Variants in TUBE1 observed in about 807,000 individuals in gnomAD.
TUBE1 encodes tubulin epsilon chain.
A neutral mutation model predicts 53.5 loss-of-function variants in TUBE1; 34 were observed. The ratio of observed to expected loss-of-function variants is 0.64; its 90% CI spans 0.48 to 0.85. The LOEUF (loss-of-function observed/expected upper bound fraction) is 0.85, where lower values mean the gene tolerates loss of function less well. Ranked by LOEUF, TUBE1 falls within the 40% of genes least tolerant of loss-of-function variation. The pLI is 0.00. For synonymous variants in TUBE1, 177 were observed against 198.4 expected, an observed-to-expected ratio of 0.89 and a Z score of 0.91; for missense variants, 532 against 570.5, an observed-to-expected ratio of 0.93 and a Z score of 0.69.
At chr6:112,075,886 A>G (rs1776956248) in intron 8 of TUBE1, 51 bp downstream of exon 8, 2 of 1,466,538 alleles carry the variant, frequency 1.4e-6, no homozygotes, top group Non-Finnish European at 9.1e-7. Context: ...AAAATTCAAA[A>G]TATCTCCAAA....
chr6:112,076,355 C>G lies in TUBE1; in HGVS notation c.603G>C (p.Glu201Asp). Residue 201 changes from glutamate (E) to aspartate (D), a missense_variant, in exon 7 of 12, where the codon GAG becomes GAC. By Grantham distance (45) the Glu-to-Asp change is conservative (BLOSUM62 2). Transcript: ENST00000368662. ...NSILAMKELN[E>D]HADCVLPIDN... ...CAATGGGCAATACACAGTCTGCATGCTCATTAAGTTCCTTCATTGCCAAGA... is the reference window on the plus strand; with the variant it reads ...CAATGGGCAATACACAGTCTGCATGGTCATTAAGTTCCTTCATTGCCAAGA... The G allele has an allele frequency of 6.2e-7, 1 of 1,601,354 alleles. No homozygotes were observed. The highest frequency in any genetic ancestry group is 8.5e-7 in the Non-Finnish European group (1 of 1,175,180).
chr6:112,084,829 T>C (rs1777123408), intron 3 of TUBE1, among the ~76,000 whole-genome samples: 1 of 152,220 alleles, frequency 6.6e-6, no homozygotes, highest in Non-Finnish European at 1.5e-5. Context: ...GTATTTACCA[T>C]TGAGTATCTA....
intron 6 of TUBE1, chr6:112,078,778 A>G (rs1554316366): frequency 6.6e-6 from 1 of 152,070 alleles, no homozygotes; most frequent in Non-Finnish European, 1.5e-5. Context: ...TTTGTTTCTT[A>G]ACCGATGATT....
In TUBE1 at chr6:112,079,700, T is replaced by C. The variant is rs1554316496; in HGVS notation, c.381A>G (p.Lys127=). ...GSLYQDQILE[K]FRKSAEHCDC... ...CACAGTGCTCTGCCGACTTTCTGAATTTCTCTAAAATCTGGTCTTGGTAAA... is the reference window on the plus strand; with the variant it reads ...CACAGTGCTCTGCCGACTTTCTGAACTTCTCTAAAATCTGGTCTTGGTAAA... Residue 127 remains lysine, a synonymous_variant, in exon 6 of 12, where the codon AAA becomes AAG. Coordinates refer to ENST00000368662, the MANE Select transcript of TUBE1 (RefSeq NM_016262.5). 1 of 1,612,328 alleles carries C rather than the reference T, an allele frequency of 6.2e-7. No individual in the cohort carries two copies. The highest frequency in any genetic ancestry group is 1.1e-5 in the South Asian group (1 of 90,812).
intron 6 of TUBE1, 99 bp downstream of exon 6, chr6:112,079,534 C>G: frequency 8.0e-7 from 1 of 1,248,984 alleles, no homozygotes. Context: ...ATAGTTCTAT[C>G]TTTATCAAGC....
At chr6:112,071,844 A>G in intron 11 of TUBE1, 58 bp downstream of exon 11, 1 of 1,480,920 alleles carries the variant, frequency 6.8e-7, no homozygotes, top group Non-Finnish European at 9.1e-7. Flanking sequence ...AATTTTTAAG[A>G]ATACATCTTA....
At chr6:112,081,306 T>C (rs1209615665) in intron 4 of TUBE1, 99 bp from the exon 5 acceptor site, 4 of 516,076 alleles carry the variant, frequency 7.8e-6, no homozygotes, top group Non-Finnish European at 1.3e-5. Context: ...CACTGTTCTC[T>C]TTATAGTTTA....
chr6:112,082,605 C>T (rs782205418), intron 4 of TUBE1, among the ~76,000 whole-genome samples: 2 of 152,166 alleles, frequency 1.3e-5, no homozygotes, highest in Non-Finnish European at 2.9e-5. Flanking sequence ...ACATTAAAAT[C>T]CTGACATATA....
chr6:112,075,977 T>A lies in TUBE1; in HGVS notation c.772A>T (p.Met258Leu), dbSNP rs200129468. 6.8e-6 allele frequency: 11 copies of A among 1,613,742 alleles called. No individual in the cohort carries two copies. In the East Asian group the frequency reaches 2.5e-4, roughly 36 times the overall value. ...KKQHKKPFDA[M>L]NNIVANLLLN... ...AGCAAATTTGCCACAATGTTATTCA[T>A]TGCATCAAAGGGCTTCTTATGCTGC... Residue 258 changes from methionine to leucine, a missense_variant, in exon 8 of 12, where the codon ATG becomes TTG. By Grantham distance (15) the Met-to-Leu change is conservative (BLOSUM62 2). Transcript: ENST00000368662.
intron 4 of TUBE1, chr6:112,083,900 G>A (rs958496489): frequency 5.4e-5 from 18 of 333,282 alleles, no homozygotes; most frequent in Non-Finnish European, 8.8e-5. Context: ...ACATTAAACT[G>A]TACTAGTACG....
At chr6:112,079,358 A>G (rs1368820767) in intron 6 of TUBE1, 1 of 257,802 alleles carries the variant, frequency 3.9e-6, no homozygotes, top group African/African-American at 2.2e-5. Flanking sequence ...TGTAAAAGAA[A>G]CTAAAGGTAC....
intron 3 of TUBE1, among the ~76,000 whole-genome samples, chr6:112,085,911 C>A (rs1220180993): frequency 6.6e-6 from 1 of 152,200 alleles, no homozygotes; most frequent in Admixed American, 6.5e-5. Flanking sequence ...GCGGACTAAT[C>A]AGCTTTCTCT....
intron 11 of TUBE1, 146 bp from the exon 12 acceptor site, chr6:112,071,716 T>C: frequency 1.0e-6 from 1 of 967,654 alleles, no homozygotes; most frequent in Non-Finnish European, 1.5e-6. Flanking sequence ...GAATGAATCC[T>C]ATAAACTCAT....
At chr6:112,075,005 G>T in intron 8 of TUBE1, 155 bp from the exon 9 acceptor site, 1 of 349,684 alleles carries the variant, frequency 2.9e-6, no homozygotes. Context: ...GTGAAAGTTA[G>T]TATCAGAACA....
intron 3 of TUBE1, chr6:112,085,771 G>A (rs1554317255): frequency 2.1e-6 from 1 of 466,752 alleles, no homozygotes; most frequent in Non-Finnish European, 4.4e-6. Flanking sequence ...ATGTGCCTAT[G>A]AAAATGAGAA....
At chr6:112,086,881 CT>C in intron 2 of TUBE1, 1 of 487,340 alleles carries the variant, frequency 2.1e-6, no homozygotes, top group Non-Finnish European at 3.6e-6. Context: ...TCTCTGGATT[CT>C]TCGTAATCTT....
At chr6:112,086,126 C>T (rs1480401845) in intron 3 of TUBE1, among the ~76,000 whole-genome samples, 9 of 152,254 alleles carry the variant, frequency 5.9e-5, no homozygotes, top group Non-Finnish European at 7.4e-5. Context: ...ATTACTCTTC[C>T]AGATAAAACA....
At chr6:112,071,764 C>T in intron 11 of TUBE1, 138 bp downstream of exon 11, 4 of 957,744 alleles carry the variant, frequency 4.2e-6, no homozygotes, top group Non-Finnish European at 6.0e-6. Context: ...CATGAGTAAG[C>T]CTCTCCTCTT....
intron 6 of TUBE1, chr6:112,079,337 T>C (rs1554316424): frequency 4.6e-6 from 1 of 218,536 alleles, no homozygotes; most frequent in African/African-American, 2.3e-5. Context: ...CTGAAAAGTA[T>C]CTGAATGTTC....
Sources: gnomAD v4.1 joint callset for allele counts (sites outside exome capture counted in the v4.1 genomes callset) on GRCh38, gnomAD v4.1.1 for gene constraint, MANE v1.5 for transcripts, NCBI Gene and HGNC (gene_info 2026-07-23, HGNC 2026-07-21) for gene names.